Variants in TMEM154 observed in about 807,000 individuals in gnomAD.
TMEM154 encodes transmembrane protein 154.
TMEM154 carries 27 observed loss-of-function variants against 24.5 expected under a neutral mutation model. The ratio of observed to expected loss-of-function variants is 1.10; its 90% confidence interval spans 0.81 to 1.52. The LOEUF is 1.52. Ranked by LOEUF, TMEM154 falls within the 40% of genes most tolerant of loss-of-function variation. The pLI is 0.00. For synonymous variants in TMEM154, 67 were observed against 76.8 expected (o/e 0.87, Z 0.67); for missense variants, 228 against 213.4 (o/e 1.07, Z -0.43).
intron 3 of TMEM154, among the ~76,000 whole-genome samples, chr4:152,651,302 G>A (rs1266794074): frequency 6.6e-6 from 1 of 151,892 alleles, no homozygotes; most frequent in Non-Finnish European, 1.5e-5. Context: ...ACAGGCGTGA[G>A]CCACCATGCC....
At chr4:152,631,651 G>A (rs888955936) in intron 6 of TMEM154, among the ~76,000 whole-genome samples, 6 of 151,934 alleles carry the variant, frequency 3.9e-5, no homozygotes, top group Non-Finnish European at 7.4e-5. Flanking sequence ...GGCTGGTCTC[G>A]AACTCCTGGG....
At chr4:152,628,584 AAAAAAAAACAAAAAAAACACACAC>A in intron 6 of TMEM154, 23 bp from the exon 7 acceptor site, 1 of 1,113,638 alleles carries the variant, frequency 9.0e-7, no homozygotes, top group Non-Finnish European at 1.2e-6. Context: ...AAAAAAAAAA[AAAAAAAAACAAAAAAAACACACAC>A]ACACACACAA....
At chr4:152,649,267 G>A (rs1373259559) in intron 3 of TMEM154, among the ~76,000 whole-genome samples, 2 of 152,146 alleles carry the variant, frequency 1.3e-5, no homozygotes, top group African/African-American at 2.4e-5. Flanking sequence ...GTAACTTTTT[G>A]GAAAGACTAT....
intron 1 of TMEM154, among the ~76,000 whole-genome samples, chr4:152,664,934 T>TAC (rs59705950): frequency 0.095 from 14,533 of 152,190 alleles, 771 homozygotes; most frequent in African/African-American, 0.13. Flanking sequence ...CTCCTGTATA[T>TAC]AATGAAGAGC....
intron 1 of TMEM154, among the ~76,000 whole-genome samples, chr4:152,653,223 G>A (rs527351855): frequency 1.3e-5 from 2 of 152,296 alleles, no homozygotes; most frequent in East Asian, 3.9e-4. Flanking sequence ...GCTTCCTCAT[G>A]TTAAGGGTGA....
chr4:152,631,977 T>C (rs903002604), intron 6 of TMEM154, among the ~76,000 whole-genome samples: 3 of 151,712 alleles, frequency 2.0e-5, no homozygotes, highest in Non-Finnish European at 4.4e-5. Flanking sequence ...GCTAATTTTT[T>C]TGTACTTTTT....
intron 6 of TMEM154, 28 bp from the exon 7 acceptor site, chr4:152,628,589 A>G: frequency 1.1e-6 from 1 of 912,108 alleles, no homozygotes; most frequent in Non-Finnish European, 1.4e-6. Context: ...AAAAAAAAAA[A>G]AAACAAAAAA....
intron 1 of TMEM154, among the ~76,000 whole-genome samples, chr4:152,678,411 T>A (rs1352589825): frequency 1.3e-5 from 2 of 151,904 alleles, no homozygotes; most frequent in Non-Finnish European, 2.9e-5. Flanking sequence ...GAGGCACCTG[T>A]GGCAGTGTTG....
In TMEM154 at chr4:152,626,990, G is replaced by GAATGAGGCTTTGTGTTTTCCTTGCTC. The variant is rs1751933334; in HGVS notation, c.*1555_*1556insGAGCAAGGAAAACACAAAGCCTCATT. 1 of 152,214 alleles carries GAATGAGGCTTTGTGTTTTCCTTGCTC rather than the reference G, an allele frequency of 6.6e-6. No individual in the cohort carries two copies. Among genetic ancestry groups the GAATGAGGCTTTGTGTTTTCCTTGCTC allele is most frequent in the African/African-American group, 2.4e-5 (1 of 41,450 alleles). The allele number at this position is 152,214 out of a possible 1,614,324, so 9.4% of individuals were successfully genotyped here. ...CTGGTGAGAATATGACAGAAAATCT[G>GAATGAGGCTTTGTGTTTTCCTTGCTC]TTGAAGTTGTGTACCATGAAGTCTG... On this transcript the variant is annotated 3_prime_UTR_variant, in exon 7 of 7. Transcript: ENST00000304385.
At chr4:152,634,056 A>AG in intron 6 of TMEM154, among the ~76,000 whole-genome samples, 1 of 151,330 alleles carries the variant, frequency 6.6e-6, no homozygotes, top group African/African-American at 2.4e-5. Context: ...AAAAAAAAAA[A>AG]AGAAAGTGGA....
At chr4:152,647,383 C>T (rs1161066180) in intron 3 of TMEM154, 1 of 966,462 alleles carries the variant, frequency 1.0e-6, no homozygotes, top group Non-Finnish European at 1.2e-6. Context: ...TAACTTTTAG[C>T]ATTCAGTTTT....
chr4:152,668,471 C>T (rs1728764021), intron 1 of TMEM154: 1 of 152,094 alleles, frequency 6.6e-6, no homozygotes, highest in Non-Finnish European at 1.5e-5. Context: ...TGCCTCAAGA[C>T]ATCTGCCGTC....
At position 152,625,992 on chromosome 4, in the gene TMEM154, T is replaced by C. The variant is rs1489106930; in HGVS notation, c.*2554A>G. 1 of 152,284 alleles carries C rather than the reference T, an allele frequency of 6.6e-6. No individual in the cohort carries two copies. Among genetic ancestry groups the C allele is most frequent in the Non-Finnish European group, 1.5e-5 (1 of 68,036 alleles). 9.4% of individuals were successfully genotyped at this position (152,284 alleles called of 1,614,324 possible). ...CCAGTTTTACTCATCTTTATCACAT[T>C]TGTTTGATGTGGGTTATCCAGGAGC... is the stretch of plus-strand genomic sequence containing the variant. On this transcript the variant is annotated 3_prime_UTR_variant, in exon 7 of 7. Coordinates refer to ENST00000304385, the MANE Select transcript of TMEM154 (RefSeq NM_152680.3).
intron 3 of TMEM154, chr4:152,647,051 A>G (rs1728262429): frequency 2.5e-6 from 2 of 815,154 alleles, no homozygotes; most frequent in East Asian, 2.6e-5. Context: ...TTCCCTGAAC[A>G]TGAAATGGAC....
At chr4:152,651,108 A>G (rs891582768) in intron 3 of TMEM154, among the ~76,000 whole-genome samples, 1 of 152,160 alleles carries the variant, frequency 6.6e-6, no homozygotes, top group African/African-American at 2.4e-5. Flanking sequence ...TTCTAACAGG[A>G]GAGTCAGCAT....
chr4:152,658,080 A>G (rs1728525170), intron 1 of TMEM154, among the ~76,000 whole-genome samples: 1 of 152,194 alleles, frequency 6.6e-6, no homozygotes, highest in Admixed American at 6.5e-5. Context: ...AAATCATATC[A>G]AATATCTTCT....
At chr4:152,632,040 C>T (rs1169682129) in intron 6 of TMEM154, among the ~76,000 whole-genome samples, 2 of 151,960 alleles carry the variant, frequency 1.3e-5, no homozygotes, top group African/African-American at 2.4e-5. Context: ...ATCTCCTGAC[C>T]TCGTGATCCG....
At chr4:152,677,971 A>G (rs546599816) in intron 1 of TMEM154, among the ~76,000 whole-genome samples, 9 of 152,342 alleles carry the variant, frequency 5.9e-5, no homozygotes, top group Admixed American at 3.3e-4. Flanking sequence ...GTTTAGGTCT[A>G]TCGGGGCACA....
rs561888325 is a variant in TMEM154 at position 152,646,919 on chromosome 4, G to A, written c.365-2477C>T. 2.0e-4 allele frequency: 139 copies of A among 702,078 alleles called. 1 individual carries two copies. The highest frequency in any genetic ancestry group is 1.1e-3 in the Middle Eastern group (5 of 4,370). 43.5% of individuals were successfully genotyped at this position (702,078 alleles called of 1,614,324 possible). A position where few individuals can be genotyped will look rare whatever the true frequency, so the allele number is the denominator to read the frequency against. On this transcript the variant is annotated intron_variant, in intron 3 of 6. Transcript: ENST00000304385. ...AGCCTGTTTAAAGGGGTAGTTTATC[G>A]CCCGCTGTTTTCCCTGCAGCTCTTT...
Sources: gnomAD v4.1 joint callset for allele counts (sites outside exome capture counted in the v4.1 genomes callset) on GRCh38, gnomAD v4.1.1 for gene constraint, MANE v1.5 for transcripts, NCBI Gene and HGNC (gene_info 2026-07-23, HGNC 2026-07-21) for gene names.